Variants in ZNF521 observed in about 807,000 individuals in gnomAD.
ZNF521 encodes the protein LYST-interacting protein 3.
A neutral mutation model predicts 105.5 loss-of-function variants in ZNF521; 14 were observed. The observed-to-expected ratio is 0.13, with a 90% CI of 0.09 to 0.21. The LOEUF is 0.21. Among genes scored for constraint, ZNF521 ranks in the 10% least tolerant of loss-of-function variants. The pLI, the probability that ZNF521 is intolerant of heterozygous loss-of-function variation, is 1.00. For synonymous variants in ZNF521, 635 were observed against 606.0 expected (o/e 1.05, Z -0.70); for missense variants, 1,233 against 1,629.7 (o/e 0.76, Z 4.19).
intron 3 of ZNF521, among the ~76,000 whole-genome samples, chr18:25,283,919 CT>C (rs45533836): frequency 0.24 from 33,160 of 140,048 alleles, 4,023 homozygotes; most frequent in South Asian, 0.38. Context: ...CAAGCCAATA[CT>C]TTCCCCCCCC....
chr18:25,229,377 CA>C (rs1164501263), intron 3 of ZNF521, among the ~76,000 whole-genome samples: 1 of 152,200 alleles, frequency 6.6e-6, no homozygotes, highest in African/African-American at 2.4e-5. Context: ...CTTCGCCATA[CA>C]AGTTGAAAAC....
At chr18:25,206,852 G>A (rs1165376772) in intron 4 of ZNF521, among the ~76,000 whole-genome samples, 2 of 152,066 alleles carry the variant, frequency 1.3e-5, no homozygotes, top group African/African-American at 2.4e-5. Context: ...CCCACACAAT[G>A]CTGTGGGTGC....
intron 5 of ZNF521, among the ~76,000 whole-genome samples, chr18:25,125,952 G>T (rs778108824): frequency 6.6e-6 from 1 of 151,886 alleles, no homozygotes; most frequent in Non-Finnish European, 1.5e-5. Flanking sequence ...GCTTTTTGGC[G>T]TCAGAATATT....
Position 25,225,733 on chromosome 18 carries a change from C to T in ZNF521, c.2185G>A (p.Glu729Lys), listed in dbSNP as rs145685233. ...FVFFRCTLCQ[E>K]VFDSKVSIQL... ...ATGGAGACTTTTGAGTCAAAAACTT[C>T]CTGGCAGAGGGTGCAGCGAAAGAAG... The change falls in exon 4 of 8, where the codon GAA (glutamate) becomes AAA (lysine). Residue 729 changes from glutamate (E) to lysine (K), a missense_variant. Physicochemically the swap from Glu to Lys is moderately conservative, Grantham distance 56. This residue lies in a region of ZNF521 where 614 missense variants were observed against 751.5 expected (regional missense o/e 0.82). Coordinates refer to ENST00000361524, the MANE Select transcript of ZNF521 (RefSeq NM_015461.3). This position sits in a 1 kb window ranked among gnomAD's most constrained non-coding sequence, Gnocchi z 5.6. The T allele has an allele frequency of 6.2e-7, 1 of 1,614,190 alleles. No individual in the cohort carries two copies. Among genetic ancestry groups the T allele is most frequent in the East Asian group, 2.2e-5 (1 of 44,876 alleles).
At chr18:25,164,439 G>A (rs533686660) in intron 5 of ZNF521, among the ~76,000 whole-genome samples, 7 of 152,292 alleles carry the variant, frequency 4.6e-5, no homozygotes, top group South Asian at 4.1e-4. Flanking sequence ...CAAACAGCAA[G>A]CTACCATTTC....
At chr18:25,299,906 T>TCCCA (rs1269342243) in intron 3 of ZNF521, among the ~76,000 whole-genome samples, 4 of 152,208 alleles carry the variant, frequency 2.6e-5, no homozygotes, top group Non-Finnish European at 4.4e-5. Flanking sequence ...ATAACTGCCA[T>TCCCA]CCCACGTGCT....
At chr18:25,351,947 G>C (rs1914811549) in intron 1 of ZNF521, 58 bp downstream of exon 1, 6 of 317,262 alleles carry the variant, frequency 1.9e-5, no homozygotes, top group South Asian at 1.5e-4. Context: ...AGGAGGAGGA[G>C]AGCCGGGAGC....
chr18:25,280,246 T>C (rs1910280356), intron 3 of ZNF521, among the ~76,000 whole-genome samples: 1 of 152,182 alleles, frequency 6.6e-6, no homozygotes. Context: ...CTCAAATGTC[T>C]ACACATAACA....
chr18:25,226,367 A>G lies in ZNF521; in HGVS notation c.1551T>C (p.His517=). Residue 517 remains histidine (H), a synonymous_variant, in exon 4 of 8, where the codon CAT becomes CAC. Transcript: ENST00000361524. The surrounding 1 kb of genome is among the most constrained non-coding windows in gnomAD (Gnocchi z 4.1). ...AGTCAGTGAGAAACCCCATATAGCA[A>G]TGGGGACAAAAGAATGCATTACTAT... ...AKDSNAFFCP[H]CYMGFLTDSS... is the part of the protein sequence containing the mutation. 1 of 1,614,170 alleles carries G rather than the reference A, an allele frequency of 6.2e-7. No individual in the cohort carries two copies. The highest frequency in any genetic ancestry group is 8.5e-7 in the Non-Finnish European group (1 of 1,180,020).
chr18:25,287,824 A>G, intron 3 of ZNF521, among the ~76,000 whole-genome samples: 1 of 152,278 alleles, frequency 6.6e-6, no homozygotes, highest in African/African-American at 2.4e-5. Flanking sequence ...TCCTCTCACT[A>G]AGGACTGTGT....
intron 5 of ZNF521, among the ~76,000 whole-genome samples, chr18:25,102,942 T>C (rs1210759241): frequency 6.6e-6 from 1 of 152,110 alleles, no homozygotes; most frequent in Non-Finnish European, 1.5e-5. Flanking sequence ...CCCTGACAAA[T>C]CAAGGCCTGA....
chr18:25,109,598 T>C (rs1004895014), intron 5 of ZNF521, among the ~76,000 whole-genome samples: 3 of 152,204 alleles, frequency 2.0e-5, no homozygotes, highest in Non-Finnish European at 4.4e-5. Context: ...TTTCTCTGCA[T>C]CCTTGACAAC....
chr18:25,203,808 ATATT>A (rs1265819072), intron 4 of ZNF521, among the ~76,000 whole-genome samples: 2 of 152,202 alleles, frequency 1.3e-5, no homozygotes, highest in Non-Finnish European at 1.5e-5. Context: ...GGGAGAAAAA[ATATT>A]TATTTAAGTA....
chr18:25,219,769 A>T (rs147398330), intron 4 of ZNF521, among the ~76,000 whole-genome samples: 130 of 152,274 alleles, frequency 8.5e-4, no homozygotes, highest in African/African-American at 2.7e-3. Context: ...GTGAGCCATG[A>T]TTGGACCACT....
intron 5 of ZNF521, among the ~76,000 whole-genome samples, chr18:25,161,109 T>C (rs961208100): frequency 6.6e-6 from 1 of 152,072 alleles, no homozygotes; most frequent in African/African-American, 2.4e-5. Flanking sequence ...AATATACTCA[T>C]TATGAAGGCT....
chr18:25,280,529 C>G (rs977307607), intron 3 of ZNF521, among the ~76,000 whole-genome samples: 1 of 152,080 alleles, frequency 6.6e-6, no homozygotes, highest in African/African-American at 2.4e-5. Flanking sequence ...CACCTTTACT[C>G]AATCACAGAC....
At chr18:25,207,648 C>G (rs1384603899) in intron 4 of ZNF521, among the ~76,000 whole-genome samples, 1 of 152,152 alleles carries the variant, frequency 6.6e-6, no homozygotes, top group East Asian at 1.9e-4. Flanking sequence ...CAGAAGTGAA[C>G]TGATGTGAGC....
chr18:25,173,073 A>G (rs2035475537), intron 5 of ZNF521, among the ~76,000 whole-genome samples: 1 of 152,272 alleles, frequency 6.6e-6, no homozygotes, highest in African/African-American at 2.4e-5. Context: ...ACCAGATTCA[A>G]TAATTAGCAA....
At chr18:25,348,449 G>A (rs754634603) in intron 2 of ZNF521, among the ~76,000 whole-genome samples, 1 of 152,112 alleles carries the variant, frequency 6.6e-6, no homozygotes, top group Non-Finnish European at 1.5e-5. Context: ...ATCTACATAT[G>A]AATTTTTCAA....
Sources: allele counts gnomAD v4.1 joint callset (sites outside exome capture counted in the v4.1 genomes callset), GRCh38; gene constraint gnomAD v4.1.1; regional missense constraint gnomAD v4.1.1; non-coding constraint Gnocchi (gnomAD v3.1); transcripts MANE v1.5; gene names NCBI Gene and HGNC (gene_info 2026-07-23, HGNC 2026-07-21).